CNOT1: variants seen among roughly 807,000 people sequenced by gnomAD.
CNOT1 encodes CCR4-NOT transcription complex subunit 1.
Under a neutral mutation model 273.8 loss-of-function variants are expected in CNOT1, and 15 were observed. The ratio of observed to expected loss-of-function variants is 0.05; its 90% confidence interval spans 0.04 to 0.08. The LOEUF is 0.08. CNOT1 is among the 10% of genes least tolerant of loss of function. The pLI is 1.00. For missense variants in CNOT1, 1,644 were observed against 2,912.2 expected, an observed-to-expected ratio of 0.56 and a Z score of 10.02; for synonymous variants, 1,022 against 1,005.5, an observed-to-expected ratio of 1.02 and a Z score of -0.31.
rs532595579 is a variant in CNOT1, at chr16:58,594,812, AAAG to A, written c.102+4421_102+4423del. Among the ~76,000 whole-genome samples the A allele has an allele frequency of 3.4e-3, 492 of 145,344 alleles. 2 individuals are homozygous for A. Among genetic ancestry groups the A allele is most frequent in the African/African-American group, 0.013 (463 of 35,748 alleles). On this transcript the variant is annotated intron_variant, in intron 2 of 48. Transcript: ENST00000317147. Reference sequence around the variant, plus strand: ...CCAATACTGTCTCATTAAAAAAAAAAAAGAAAAAGAAAAAGAAAAAAAGGCTAG... The same window carrying A: ...CCAATACTGTCTCATTAAAAAAAAAAAAAAAGAAAAAGAAAAAAAGGCTAG...
chr16:58,525,185 T>G lies in CNOT1; in HGVS notation c.6778A>C (p.Thr2260Pro). ...ACTGGCAGGCTTCACTCACCCTCAG[T>G]GTCCAAGTCCACAGCCAAATTCTGG... ...IFQNLAVDLD[T>P]EGRYLFLNAI... The change falls in exon 46 of 49, where the codon ACT (threonine) becomes CCT (proline). Residue 2260 changes from threonine (T) to proline (P), a missense_variant. Coordinates refer to ENST00000317147, the MANE Select transcript of CNOT1 (RefSeq NM_016284.5). The G allele has an allele frequency of 6.2e-7, 1 of 1,613,228 alleles. No individual in the cohort carries two copies. The highest frequency in any genetic ancestry group is 8.5e-7 in the Non-Finnish European group (1 of 1,179,988).
intron 2 of CNOT1, among the ~76,000 whole-genome samples, chr16:58,592,533 G>C (rs1385743764): frequency 6.6e-6 from 1 of 152,114 alleles, no homozygotes; most frequent in African/African-American, 2.4e-5. Flanking sequence ...TGCCATGAAT[G>C]TGTCTGTGAA....
At chr16:58,570,518 G>T (rs9788913) in intron 16 of CNOT1, among the ~76,000 whole-genome samples, 1 of 152,018 alleles carries the variant, frequency 6.6e-6, no homozygotes, top group Non-Finnish European at 1.5e-5. Flanking sequence ...ACATGTTTGT[G>T]GTCCCAGCTA....
intron 1 of CNOT1, among the ~76,000 whole-genome samples, chr16:58,620,879 T>C (rs760793265): frequency 2.0e-5 from 3 of 152,028 alleles, no homozygotes; most frequent in Non-Finnish European, 4.4e-5. Context: ...ACTGCAGTCC[T>C]AGAATCTTTT....
At chr16:58,521,373 A>C in intron 47 of CNOT1, 56 bp from the exon 48 acceptor site, 1 of 1,526,632 alleles carries the variant, frequency 6.6e-7, no homozygotes, top group Non-Finnish European at 8.8e-7. Context: ...ATTCATGATT[A>C]TTCTTCCATT....
chr16:58,544,060 G>A (rs1343926947), intron 30 of CNOT1, among the ~76,000 whole-genome samples, 157 bp from the exon 31 acceptor site: 1 of 152,202 alleles, frequency 6.6e-6, no homozygotes, highest in Non-Finnish European at 1.5e-5. Flanking sequence ...AACAGAAACT[G>A]AGCTCCATAC....
intron 46 of CNOT1, chr16:58,523,970 G>A (rs1395059344): frequency 2.0e-5 from 3 of 153,552 alleles, no homozygotes; most frequent in Admixed American, 1.3e-4. Context: ...GTTTTGGGCC[G>A]GGCACGGTGG....
chr16:58,546,201 A>G (rs1205343987), intron 29 of CNOT1, 120 bp downstream of exon 29: 2 of 861,318 alleles, frequency 2.3e-6, no homozygotes, highest in East Asian at 4.9e-5. Flanking sequence ...ACCAAAACGT[A>G]TACAAAGTTT....
chr16:58,570,759 G>A (rs1052235504), intron 16 of CNOT1, among the ~76,000 whole-genome samples: 3 of 152,074 alleles, frequency 2.0e-5, no homozygotes, highest in South Asian at 2.1e-4. Context: ...GGATCCTACC[G>A]AAACTAAAAG....
chr16:58,583,590 T>A (rs528272065), intron 8 of CNOT1, among the ~76,000 whole-genome samples: 1 of 152,202 alleles, frequency 6.6e-6, no homozygotes, highest in East Asian at 1.9e-4. Context: ...TGGGCTCCAC[T>A]TCCTGTGGAG....
intron 3 of CNOT1, among the ~76,000 whole-genome samples, chr16:58,588,279 ACT>A (rs1022056115): frequency 1.3e-5 from 2 of 152,052 alleles, no homozygotes; most frequent in African/African-American, 4.8e-5. Flanking sequence ...CGAGAGAGAG[ACT>A]CTGTCTCAAA....
At chr16:58,600,179 T>A (rs1379363877) in intron 1 of CNOT1, among the ~76,000 whole-genome samples, 1 of 151,798 alleles carries the variant, frequency 6.6e-6, no homozygotes, top group Non-Finnish European at 1.5e-5. Context: ...ACCCCGTCTC[T>A]ACTCAGAATA....
intron 2 of CNOT1, 103 bp downstream of exon 2, chr16:58,599,133 A>AGT: frequency 6.7e-7 from 1 of 1,493,526 alleles, no homozygotes; most frequent in Non-Finnish European, 9.2e-7. Flanking sequence ...AAGGGGCAAA[A>AGT]GTTAGTTACC....
chr16:58,598,907 C>T (rs113568156), intron 2 of CNOT1: 2,620 of 244,640 alleles, frequency 0.011, 27 homozygotes, highest in South Asian at 0.019. Flanking sequence ...AAAATACAGC[C>T]GGGCATGGTG....
intron 1 of CNOT1, among the ~76,000 whole-genome samples, chr16:58,603,461 G>C (rs1597575079): frequency 7.2e-6 from 1 of 138,580 alleles, no homozygotes; most frequent in South Asian, 2.4e-4. Flanking sequence ...GTGTGTGTGT[G>C]TCTAAAACTC....
chr16:58,560,010 C>G, intron 17 of CNOT1: 15 of 1,401,128 alleles, frequency 1.1e-5, no homozygotes, highest in Non-Finnish European at 1.5e-5. Context: ...TGTATATTTC[C>G]TCTTAGAGTC....
At chr16:58,550,200 A>C (rs181543441) in intron 24 of CNOT1, among the ~76,000 whole-genome samples, 47 of 152,348 alleles carry the variant, frequency 3.1e-4, no homozygotes, top group African/African-American at 1.1e-3. Context: ...TGCCATTAAC[A>C]TACCTACAGT....
intron 1 of CNOT1, among the ~76,000 whole-genome samples, chr16:58,608,949 CTTGGGGATTCAGGAGGA>C (rs1391024497): frequency 1.3e-5 from 2 of 152,108 alleles, no homozygotes; most frequent in Non-Finnish European, 2.9e-5. Context: ...CACAATAGAC[CTTGGGGATTCAGGAGGA>C]TTGGGGATTC....
chr16:58,597,977 C>G (rs2042321643), intron 2 of CNOT1: 9 of 218,612 alleles, frequency 4.1e-5, no homozygotes, highest in Non-Finnish European at 8.1e-5. Flanking sequence ...TAAGAAAAGC[C>G]TGGGAGCTAG....
Sources: gnomAD v4.1 joint callset for allele counts (sites outside exome capture counted in the v4.1 genomes callset) on GRCh38, gnomAD v4.1.1 for gene constraint, MANE v1.5 for transcripts, NCBI Gene and HGNC (gene_info 2026-07-23, HGNC 2026-07-21) for gene names.